Variants in DNAH5 observed in about 807,000 individuals in gnomAD.
DNAH5 encodes dynein axonemal heavy chain 5.
In DNAH5, 372 loss-of-function variants were observed where a neutral mutation model predicts 518.2. The observed-to-expected ratio is 0.72, with a 90% CI of 0.66 to 0.78. The LOEUF (loss-of-function observed/expected upper bound fraction) is 0.78, where lower values mean the gene tolerates loss of function less well. Among genes scored for constraint, DNAH5 ranks in the 30% least tolerant of loss-of-function variants. The pLI, the probability that DNAH5 is intolerant of heterozygous loss-of-function variation, is 0.00. For missense variants in DNAH5, 5,523 were observed against 5,687.0 expected, an observed-to-expected ratio of 0.97 and a Z score of 0.93; for synonymous variants, 2,039 against 2,025.9, an observed-to-expected ratio of 1.01 and a Z score of -0.17.
chr5:13,763,444 A>C (rs2126749222), intron 59 of DNAH5, among the ~76,000 whole-genome samples: 1 of 152,366 alleles, frequency 6.6e-6, no homozygotes, highest in East Asian at 1.9e-4. Context: ...ATTAATTTTT[A>C]ATCATAGAAC....
intron 43 of DNAH5, 128 bp from the exon 44 acceptor site, chr5:13,811,951 G>A: frequency 1.3e-6 from 1 of 776,854 alleles, no homozygotes. Context: ...CACACACTAT[G>A]TTCCAGGCTT....
rs200011073 is a variant in DNAH5 at position 13,862,841 on chromosome 5, CATATAT to C, written c.4597-100_4597-95del. On this transcript the variant is annotated intron_variant, in intron 28 of 78. Transcript: ENST00000265104. ...AATACCCCATCTTCACTATTTGCTT[CATATAT>C]ATATAAATATATATATAAACTTTTA... The C allele has an allele frequency of 3.5e-5, 11 of 315,488 alleles. No individual in the cohort carries two copies. The East Asian group carries it at 5.4e-4, about 16-fold the overall frequency. The allele number at this position is 315,488 out of a possible 1,614,324, so 19.5% of individuals were successfully genotyped here. A position where few individuals can be genotyped will look rare whatever the true frequency, so the allele number is the denominator to read the frequency against.
At chr5:13,780,516 A>C (rs1754936507) in intron 53 of DNAH5, among the ~76,000 whole-genome samples, 1 of 152,236 alleles carries the variant, frequency 6.6e-6, no homozygotes, top group Admixed American at 6.5e-5. Context: ...TGAAATCTGA[A>C]TTAACACTCA....
chr5:13,886,127 A>T lies in DNAH5; in HGVS notation c.2580T>A (p.Asp860Glu). The T allele has an allele frequency of 6.6e-7, 1 of 1,518,612 alleles. No individual in the cohort carries two copies. Among genetic ancestry groups the T allele is most frequent in the Non-Finnish European group, 8.8e-7 (1 of 1,137,350 alleles). The allele number at this position is 1,518,612 out of a possible 1,614,324, so 94.1% of individuals were successfully genotyped here. A position where few individuals can be genotyped will look rare whatever the true frequency, so the allele number is the denominator to read the frequency against. Residue 860 changes from aspartate (D) to glutamate (E), a missense_variant and splice_region_variant, in exon 18 of 79, where the codon GAT (aspartate) becomes GAA (glutamate). By Grantham distance (45) the Asp-to-Glu change is conservative (BLOSUM62 2). Around this residue, in one of 3 missense-constraint regions of DNAH5, gnomAD observed 5,121 missense variants for 5,223.3 expected, o/e 0.98. Coordinates refer to ENST00000265104, the MANE Select transcript of DNAH5 (RefSeq NM_001369.3). ...TCEEFLQMTK[D>E]LCVNGAQILH... ...GTATTTGTGCACCATTTACACAAAG[A>T]TCCTAACCAAAAAAAAAAAAAAAAA...
chr5:13,973,658 T>C (rs1782026920), intron 1 of DNAH5, among the ~76,000 whole-genome samples: 1 of 151,440 alleles, frequency 6.6e-6, no homozygotes, highest in Admixed American at 6.6e-5. Flanking sequence ...TGTGGATATA[T>C]ATAGTCATAT....
rs759159688 is a variant in DNAH5, at chr5:13,713,096, G to GGTGT, written c.13125+1305_13125+1308dup. Among the ~76,000 whole-genome samples, 467 of 116,456 alleles carry GGTGT rather than the reference G, an allele frequency of 4.0e-3. 5 individuals carry two copies. The highest frequency in any genetic ancestry group is 0.015 in the Middle Eastern group (3 of 206). 76.4% of individuals were successfully genotyped at this position (116,456 alleles called of 152,430 possible). A position where few individuals can be genotyped will look rare whatever the true frequency, so the allele number is the denominator to read the frequency against. ...ATTAACGAATGTATAAAGAAACTGT[G>GGTGT]GTGTGTGTGTGTATATATATATATA... On this transcript the variant is annotated intron_variant, in intron 75 of 78. Coordinates refer to ENST00000265104, the MANE Select transcript of DNAH5 (RefSeq NM_001369.3).
chr5:13,944,855 T>C (rs1266344902), upstream of DNAH5, among the ~76,000 whole-genome samples: 1 of 152,228 alleles, frequency 6.6e-6, no homozygotes, highest in Non-Finnish European at 1.5e-5. Context: ...GATATCTAAA[T>C]AGTTTCTTTG....
At chr5:13,714,819 A>C (rs1003262420) in intron 74 of DNAH5, among the ~76,000 whole-genome samples, 199 bp from the exon 75 acceptor site, 5 of 152,260 alleles carry the variant, frequency 3.3e-5, no homozygotes, top group Admixed American at 3.3e-4. Flanking sequence ...AGAAACAGAC[A>C]GTAGGCTCAT....
intron 51 of DNAH5, 109 bp from the exon 52 acceptor site, chr5:13,786,460 T>G: frequency 1.7e-6 from 2 of 1,167,264 alleles, no homozygotes; most frequent in Non-Finnish European, 2.5e-6. Flanking sequence ...TAACATTCAT[T>G]TTAAGCTAAA....
chr5:14,008,050 T>C (rs28361498), intron 1 of DNAH5, among the ~76,000 whole-genome samples: 46,466 of 151,540 alleles, frequency 0.31, 7,547 homozygotes, highest in East Asian at 0.6. Context: ...CACATGCCTA[T>C]AATCCCAACT....
At chr5:13,713,815 A>C (rs2126489608) in intron 75 of DNAH5, among the ~76,000 whole-genome samples, 1 of 151,974 alleles carries the variant, frequency 6.6e-6, no homozygotes, top group East Asian at 1.9e-4. Context: ...ACCAAATACC[A>C]CCTGTACCCC....
intron 75 of DNAH5, among the ~76,000 whole-genome samples, chr5:13,711,266 T>C (rs1406201699): frequency 2.0e-5 from 3 of 151,928 alleles, no homozygotes; most frequent in Non-Finnish European, 1.5e-5. Flanking sequence ...AAAACAAAAA[T>C]CACATGATCA....
chr5:13,798,721 T>C (rs1275469733), intron 47 of DNAH5, among the ~76,000 whole-genome samples: 1 of 150,344 alleles, frequency 6.7e-6, no homozygotes, highest in African/African-American at 2.4e-5. Flanking sequence ...AGTGTACATT[T>C]TCATCATGAT....
intron 76 of DNAH5, among the ~76,000 whole-genome samples, chr5:13,702,482 G>T (rs79900347): frequency 6.6e-6 from 1 of 152,202 alleles, no homozygotes; most frequent in Non-Finnish European, 1.5e-5. Flanking sequence ...CCGCTAATGA[G>T]AGAGTGCCCC....
chr5:13,716,646 T>A lies in DNAH5; in HGVS notation c.12750A>T (p.Gln4250His), dbSNP rs1229336223. 6.2e-7 allele frequency: 1 copy of A among 1,613,992 alleles called. No homozygotes were observed. Among genetic ancestry groups the A allele is most frequent in the Admixed American group, 1.7e-5 (1 of 60,024 alleles). ...TTIRYMIGEI[Q>H]YGGRVTDDYD... ...AGTCGTCAGTGACTCTGCCTCCATA[T>A]TGAATCTCTCCTATCATGTAGCGGA... The change falls in exon 74 of 79, where the codon CAA becomes CAT. Residue 4250 changes from glutamine to histidine, a missense_variant. Around this residue, in one of 3 missense-constraint regions of DNAH5, gnomAD observed 5,121 missense variants for 5,223.3 expected, o/e 0.98. Transcript: ENST00000265104.
rs775937053 is a variant in DNAH5 at position 13,928,051 on chromosome 5, C to T, written c.277+43G>A. 3.3e-6 allele frequency: 5 copies of T among 1,499,434 alleles called. No individual in the cohort carries two copies. The African/African-American group carries it at 6.9e-5, about 21-fold the overall frequency. 92.9% of individuals were successfully genotyped at this position (1,499,434 alleles called of 1,614,324 possible). A position where few individuals can be genotyped will look rare whatever the true frequency, so the allele number is the denominator to read the frequency against. On this transcript the variant is annotated intron_variant, in intron 3 of 78. Transcript: ENST00000265104. ...TTCTTCAAGCTACCCTCAGATAAAT[C>T]TAATAACACATTTCTGGGTTATGTC... is the stretch of plus-strand genomic sequence containing the variant.
At chr5:13,996,182 A>G (rs916125490) in intron 1 of DNAH5, among the ~76,000 whole-genome samples, 13 of 152,246 alleles carry the variant, frequency 8.5e-5, no homozygotes, top group African/African-American at 3.1e-4. Context: ...GCAGTTCAAA[A>G]CTATTCTCTC....
At chr5:13,988,802 C>T (rs1223120793) in intron 1 of DNAH5, among the ~76,000 whole-genome samples, 3 of 150,018 alleles carry the variant, frequency 2.0e-5, no homozygotes, top group Non-Finnish European at 4.4e-5. Flanking sequence ...TCTCACCTCA[C>T]TGCAACCTCT....
At chr5:13,998,996 C>T (rs906841625) in intron 1 of DNAH5, among the ~76,000 whole-genome samples, 6 of 152,162 alleles carry the variant, frequency 3.9e-5, no homozygotes, top group African/African-American at 1.2e-4. Flanking sequence ...CTCAGCCTCC[C>T]GAGTACCTGG....
Sources: allele counts gnomAD v4.1 joint callset (sites outside exome capture counted in the v4.1 genomes callset), GRCh38; gene constraint gnomAD v4.1.1; regional missense constraint gnomAD v4.1.1; transcripts MANE v1.5; gene names NCBI Gene and HGNC (gene_info 2026-07-23, HGNC 2026-07-21).